ZSCAN12: variants seen among roughly 807,000 people sequenced by gnomAD.
ZSCAN12 encodes the protein zinc finger and SCAN domain containing 12.
A neutral mutation model predicts 23.4 loss-of-function variants in ZSCAN12; 18 were observed. The ratio of observed to expected loss-of-function variants is 0.77; its 90% CI spans 0.53 to 1.14. The LOEUF (loss-of-function observed/expected upper bound fraction) is 1.14. Among genes scored for constraint, ZSCAN12 ranks in the 50% most tolerant of loss-of-function variants. The pLI is 0.00. For synonymous variants in ZSCAN12, 186 were observed against 253.4 expected (o/e 0.73, Z 2.53); for missense variants, 650 against 735.0 (o/e 0.88, Z 1.34).
At chr6:28,382,193 A>G (rs1760281173), downstream of ZSCAN12, 1 of 258,558 alleles carries the variant, frequency 3.9e-6, no homozygotes, top group African/African-American at 2.2e-5. Flanking sequence ...TATCTTACCT[A>G]TATCTGCAGC....
chr6:28,392,982 CCTT>C lies in ZSCAN12; in HGVS notation c.464_466del (p.Glu155del), dbSNP rs1295293188. ...GGACTGGAGGGACATACTGGGTTCTCCTTCTTTTCGTAGACGTACCGTCTCCTG... is the reference window on the plus strand; with the variant it reads ...GGACTGGAGGGACATACTGGGTTCTCCTTTTCGTAGACGTACCGTCTCCTG... On this transcript the variant is annotated inframe_deletion, in exon 3 of 4. Coordinates refer to ENST00000684592, the MANE Select transcript of ZSCAN12 (RefSeq NM_001163391.2). 8 of 1,552,046 alleles carry C rather than the reference CCTT, an allele frequency of 5.2e-6. No individual in the cohort carries two copies. Among genetic ancestry groups the C allele is most frequent in the South Asian group, 4.8e-5 (4 of 84,050 alleles).
At chr6:28,382,692 C>T, downstream of ZSCAN12, 3 of 1,468,838 alleles carry the variant, frequency 2.0e-6, no homozygotes, top group South Asian at 1.4e-5. Context: ...GAACAAGGCA[C>T]TGAAAGAAAA....
rs1208400651 is a variant in ZSCAN12 at position 28,391,678 on chromosome 6, T to G, written c.612A>C (p.Glu204Asp). The G allele has an allele frequency of 2.6e-6, 4 of 1,548,602 alleles. No homozygotes were observed. The Admixed American group carries it at 5.9e-5, about 23-fold the overall frequency. The part of the protein sequence containing the change: ...NLKQEVSEEM[E>D]PHGKTSSKFE... ...ATTTACTGGATGTCTTCCCATGTGGTTCCATTTCTTCAGAAACTTCTTGCT... is the reference window on the plus strand; with the variant it reads ...ATTTACTGGATGTCTTCCCATGTGGGTCCATTTCTTCAGAAACTTCTTGCT... The change falls in exon 4 of 4, where the codon GAA becomes GAC. Residue 204 changes from glutamate to aspartate, a missense_variant. By Grantham distance (45) the Glu-to-Asp change is conservative. Transcript: ENST00000684592. The surrounding 1 kb of genome is among the most constrained non-coding windows in gnomAD (Gnocchi z 4.1).
chr6:28,379,333 G>A (rs1198637090), exon 5 of ZSCAN12: 1 of 152,222 alleles, frequency 6.6e-6, no homozygotes, highest in African/African-American at 2.4e-5. Flanking sequence ...CGGGCATGGT[G>A]GCTCATGCCT....
At position 28,391,863 on chromosome 6, in the gene ZSCAN12, G is replaced by T; in HGVS notation, c.548-121C>A. The T allele has an allele frequency of 1.2e-6, 1 of 806,636 alleles. No individual in the cohort carries two copies. The highest frequency in any genetic ancestry group is 2.2e-5 in the South Asian group (1 of 45,464). The allele number at this position is 806,636 out of a possible 1,614,324, so 50.0% of individuals were successfully genotyped here. ...GTCTACCATCTTAGTGATAAAGAGAGCAAAATATATTTGTTTCAATATGGA... is the reference window on the plus strand; with the variant it reads ...GTCTACCATCTTAGTGATAAAGAGATCAAAATATATTTGTTTCAATATGGA... On this transcript the variant is annotated intron_variant, in intron 3 of 3. Coordinates refer to ENST00000684592, the MANE Select transcript of ZSCAN12 (RefSeq NM_001163391.2). This position sits in a 1 kb window ranked among gnomAD's most constrained non-coding sequence, Gnocchi z 4.1.
In ZSCAN12 at chr6:28,396,058, C is replaced by T. The variant is rs142968511; in HGVS notation, c.402+1946G>A. 6.8e-3 allele frequency among the ~76,000 whole-genome samples: 963 copies of T among 140,592 alleles called. 7 individuals are homozygous for T. The highest frequency in any genetic ancestry group is 0.01 in the Non-Finnish European group (692 of 66,258). The allele number at this position is 140,592 out of a possible 152,430, so 92.2% of individuals were successfully genotyped here. ...TTTTGGAGATAGGGTCTCACTGTGT[C>T]GCCCAGGCTGGAGTGCAGTGGTATG... On this transcript the variant is annotated intron_variant, in intron 2 of 3. Transcript: ENST00000684592.
At position 28,385,059 on chromosome 6, in the gene ZSCAN12, A is replaced by G. The variant is rs983046419; in HGVS notation, c.*5395T>C. On this transcript the variant is annotated 3_prime_UTR_variant, in exon 4 of 4. Coordinates refer to ENST00000684592, the MANE Select transcript of ZSCAN12 (RefSeq NM_001163391.2). ...TAAGTCTTAAGCAAAGAAAAATATC[A>G]TATATCACATATATGTGTGTGTGTG... Among the ~76,000 whole-genome samples the G allele has an allele frequency of 6.6e-6, 1 of 152,202 alleles. No homozygotes were observed. The highest frequency in any genetic ancestry group is 1.5e-5 in the Non-Finnish European group (1 of 68,034).
rs567929699 is a variant in ZSCAN12, at chr6:28,385,136, G to C, written c.*5318C>G. Among the ~76,000 whole-genome samples, 1 of 152,226 alleles carries C rather than the reference G, an allele frequency of 6.6e-6. No individual in the cohort carries two copies. Among genetic ancestry groups the C allele is most frequent in the African/African-American group, 2.4e-5 (1 of 41,540 alleles). On this transcript the variant is annotated 3_prime_UTR_variant, in exon 4 of 4. Coordinates refer to ENST00000684592, the MANE Select transcript of ZSCAN12 (RefSeq NM_001163391.2). ...TAATATAAAATCACTTTTGAAAACT[G>C]GCATTAAAGATAGATCCATAATGGG...
At chr6:28,383,058 TG>T (rs1349853464), downstream of ZSCAN12, among the ~76,000 whole-genome samples, 24 of 152,192 alleles carry the variant, frequency 1.6e-4, no homozygotes, top group African/African-American at 5.8e-4. Context: ...ATAATCTCAC[TG>T]ACAGAGGAAT....
chr6:28,381,263 A>C (rs1381911999), downstream of ZSCAN12: 1 of 152,260 alleles, frequency 6.6e-6, no homozygotes, highest in Non-Finnish European at 1.5e-5. Flanking sequence ...TACTCACTTT[A>C]AGTATCTTGG....
chr6:28,379,674 T>C (rs1475929801), exon 5 of ZSCAN12: 2 of 151,862 alleles, frequency 1.3e-5, no homozygotes, highest in Non-Finnish European at 2.9e-5. Context: ...CGGTCTTGTG[T>C]TGGAGAATAT....
At chr6:28,397,968 T>G (rs756837608) in intron 2 of ZSCAN12, 36 bp downstream of exon 2, 73 of 1,520,362 alleles carry the variant, frequency 4.8e-5, no homozygotes, top group Admixed American at 1.1e-4. Context: ...CCACAATTTA[T>G]GTTTTCTCAA....
chr6:28,393,862 G>A (rs990835464), intron 2 of ZSCAN12, among the ~76,000 whole-genome samples: 4 of 152,018 alleles, frequency 2.6e-5, no homozygotes, highest in East Asian at 3.9e-4. Context: ...CTCTTCTGAG[G>A]TGCCCGTCCC....
downstream of ZSCAN12, chr6:28,380,712 A>C (rs1237587136): frequency 6.5e-6 from 1 of 153,782 alleles, no homozygotes; most frequent in Non-Finnish European, 1.5e-5. Context: ...GGACTCCATG[A>C]TGCTGAGTAA....
chr6:28,387,189 G>C lies in ZSCAN12; in HGVS notation c.*3265C>G, dbSNP rs568659318. On this transcript the variant is annotated 3_prime_UTR_variant, in exon 4 of 4. Transcript: ENST00000684592. Reference sequence around the variant, plus strand: ...TATAATAGGCATATTCCATTGTTCTGAGTCTTTGTTTATGGTCCCTTTATA... The same window carrying C: ...TATAATAGGCATATTCCATTGTTCTCAGTCTTTGTTTATGGTCCCTTTATA... 2.0e-4 allele frequency among the ~76,000 whole-genome samples: 31 copies of C among 152,246 alleles called. No homozygotes were observed. Among genetic ancestry groups the C allele is most frequent in the Non-Finnish European group, 3.7e-4 (25 of 68,036 alleles).
At position 28,386,328 on chromosome 6, in the gene ZSCAN12, G is replaced by A. The variant is rs1760539372; in HGVS notation, c.*4126C>T. Among the ~76,000 whole-genome samples, 1 of 152,172 alleles carries A rather than the reference G, an allele frequency of 6.6e-6. No homozygotes were observed. Among genetic ancestry groups the A allele is most frequent in the South Asian group, 2.1e-4 (1 of 4,820 alleles). ...TATGATTCATTCAAGTTTTACAACA[G>A]ATACTTCTATCTGGCCATTGTTACT... On this transcript the variant is annotated 3_prime_UTR_variant, in exon 4 of 4. Coordinates refer to ENST00000684592, the MANE Select transcript of ZSCAN12 (RefSeq NM_001163391.2).
At chr6:28,396,106 A>C (rs915441798) in intron 2 of ZSCAN12, among the ~76,000 whole-genome samples, 4 of 148,486 alleles carry the variant, frequency 2.7e-5, no homozygotes, top group African/African-American at 1.0e-4. Flanking sequence ...TGCAGCCTCG[A>C]TCTCCTGGGC....
Position 28,389,407 on chromosome 6 carries a change from TAA to T in ZSCAN12, c.*1045_*1046del, listed in dbSNP as rs1760705004. Among the ~76,000 whole-genome samples the T allele has an allele frequency of 1.3e-5, 2 of 152,364 alleles. No individual in the cohort carries two copies. Among genetic ancestry groups the T allele is most frequent in the East Asian group, 1.9e-4 (1 of 5,186 alleles). On this transcript the variant is annotated 3_prime_UTR_variant, in exon 4 of 4. Transcript: ENST00000684592. ...GTTCCCTGTAAGGATCTCCTTGTGCTAAAAGTCTGCAGTGGCCTTTAGTTTAT... is the reference window on the plus strand; with the variant it reads ...GTTCCCTGTAAGGATCTCCTTGTGCTAAGTCTGCAGTGGCCTTTAGTTTAT...
chr6:28,391,815 G>A lies in ZSCAN12; in HGVS notation c.548-73C>T. The A allele has an allele frequency of 8.0e-7, 1 of 1,257,246 alleles. No homozygotes were observed. Among genetic ancestry groups the A allele is most frequent in the Non-Finnish European group, 1.1e-6 (1 of 942,678 alleles). The allele number at this position is 1,257,246 out of a possible 1,614,324, so 77.9% of individuals were successfully genotyped here. A position where few individuals can be genotyped will look rare whatever the true frequency, so the allele number is the denominator to read the frequency against. On this transcript the variant is annotated intron_variant, in intron 3 of 3. Transcript: ENST00000684592. This position sits in a 1 kb window ranked among gnomAD's most constrained non-coding sequence, Gnocchi z 4.1. ...CCATACATTTTAATATTAAGCAGCT[G>A]TTTAGAAATAAAAAATGCAAGAGTC...
Sources: gnomAD v4.1 joint callset for allele counts (sites outside exome capture counted in the v4.1 genomes callset) on GRCh38, gnomAD v4.1.1 for gene constraint, Gnocchi (gnomAD v3.1) non-coding constraint, MANE v1.5 for transcripts, NCBI Gene and HGNC (gene_info 2026-07-23, HGNC 2026-07-21) for gene names.